Variants in CRB2 observed in about 807,000 individuals in gnomAD.
CRB2 encodes the protein crumbs cell polarity complex component 2, also known as protein crumbs homolog 2.
Under a neutral mutation model 110.9 loss-of-function variants are expected in CRB2, and 85 were observed. The observed-to-expected ratio is 0.77, with a 90% CI of 0.64 to 0.92. The LOEUF (loss-of-function observed/expected upper bound fraction) is 0.92. Among genes scored for constraint, CRB2 ranks in the 40% least tolerant of loss-of-function variants. CRB2 has a pLI of 0.00. For missense variants in CRB2, 1,843 were observed against 1,851.3 expected (o/e 1.00, Z 0.08); for synonymous variants, 907 against 831.0 (o/e 1.09, Z -1.57).
chr9:123,354,465 C>T (rs963981592), upstream of CRB2, among the ~76,000 whole-genome samples: 2 of 152,230 alleles, frequency 1.3e-5, no homozygotes, highest in African/African-American at 2.4e-5. Context: ...CTGGCACTGT[C>T]GCCTTGGCTC....
intron 11 of CRB2, 56 bp downstream of exon 11, chr9:123,374,751 C>A: frequency 1.5e-6 from 2 of 1,315,330 alleles, no homozygotes; most frequent in East Asian, 2.3e-5. Flanking sequence ...GAGGGCTGTT[C>A]CTCCAGCCAG....
At chr9:123,364,055 G>A (rs2041899095) in intron 2 of CRB2, among the ~76,000 whole-genome samples, 1 of 152,210 alleles carries the variant, frequency 6.6e-6, no homozygotes. Context: ...CAGAGCAAGA[G>A]GTACAGATTG....
chr9:123,356,492 G>A, intron 1 of CRB2, 138 bp downstream of exon 1: 1 of 512,922 alleles, frequency 1.9e-6, no homozygotes, highest in African/African-American at 2.0e-5. Context: ...GCACAGGAGT[G>A]CGCGGCTGTG....
At chr9:123,379,209 TC>T (rs2042162880), downstream of CRB2, among the ~76,000 whole-genome samples, 1 of 152,028 alleles carries the variant, frequency 6.6e-6, no homozygotes, top group Non-Finnish European at 1.5e-5. Context: ...CTGGGCATGT[TC>T]CACGCTCACT....
In CRB2 at chr9:123,368,571, G is replaced by A. The variant is rs114261319; in HGVS notation, c.1054+885G>A. 6.5e-3 allele frequency among the ~76,000 whole-genome samples: 983 copies of A among 152,372 alleles called. 4 individuals are homozygous for A. Among genetic ancestry groups the A allele is most frequent in the African/African-American group, 0.022 (921 of 41,594 alleles). On this transcript the variant is annotated intron_variant, in intron 6 of 12. Transcript: ENST00000373631. ...GGGTTTAAAACCCCATCTTACAGCT[G>A]AGAGGATGAGGGGGTGTCATCCCCC...
rs4838054 is a variant in CRB2 at position 123,375,586 on chromosome 9, C to G, written c.3633+243C>G. Among the ~76,000 whole-genome samples, 52,050 of 152,070 alleles carry G rather than the reference C, an allele frequency of 0.34. 9,321 individuals are homozygous for G. The highest frequency in any genetic ancestry group is 0.56 in the East Asian group (2,903 of 5,156). On this transcript the variant is annotated intron_variant, in intron 12 of 12. Coordinates refer to ENST00000373631, the MANE Select transcript of CRB2 (RefSeq NM_173689.7). ...AGCACAAAGCTCCTAGCTGGGTCAG[C>G]GGCTTCCTCAGAGTGCCCAGGGCAG... is the stretch of plus-strand genomic sequence containing the variant.
At position 123,373,401 on chromosome 9, in the gene CRB2, A is replaced by C. The variant is rs2132790545; in HGVS notation, c.2870A>C (p.His957Pro). The C allele has an allele frequency of 6.9e-7, 1 of 1,441,980 alleles. No individual in the cohort carries two copies. Among genetic ancestry groups the C allele is most frequent in the South Asian group, 1.3e-5 (1 of 74,162 alleles). The allele number at this position is 1,441,980 out of a possible 1,614,324, so 89.3% of individuals were successfully genotyped here. ...CCGCGCGTGGCCGATGGTGCCTGGC[A>C]CCGCGTGCGTCTGGCCATGGAGCGC... ...PGPRVADGAWHRVRLAMERPA... is the reference protein window; with the variant it reads ...PGPRVADGAWPRVRLAMERPA... The change falls in exon 10 of 13, where the codon CAC (histidine) becomes CCC (proline). Residue 957 changes from histidine (H) to proline (P), a missense_variant. Coordinates refer to ENST00000373631, the MANE Select transcript of CRB2 (RefSeq NM_173689.7).
intron 1 of CRB2, among the ~76,000 whole-genome samples, chr9:123,361,204 G>T (rs1250228335): frequency 6.6e-6 from 1 of 151,334 alleles, no homozygotes; most frequent in Admixed American, 6.6e-5. Context: ...TGAGGGACCT[G>T]TTGGCACAGG....
intron 12 of CRB2, 120 bp from the exon 13 acceptor site, chr9:123,376,718 G>T: frequency 1.0e-6 from 1 of 980,940 alleles, no homozygotes; most frequent in Non-Finnish European, 1.5e-6. Context: ...TCCCAGGGCA[G>T]CCTGCTCCCA....
intron 3 of CRB2, 33 bp downstream of exon 3, chr9:123,366,145 C>T: frequency 7.2e-7 from 1 of 1,383,152 alleles, no homozygotes; most frequent in Non-Finnish European, 9.3e-7. Flanking sequence ...GGCAGGGGCG[C>T]CGGGTGCCCG....
intron 11 of CRB2, 89 bp downstream of exon 11, chr9:123,374,784 A>G: frequency 5.0e-6 from 4 of 807,348 alleles, no homozygotes; most frequent in South Asian, 4.9e-5. Flanking sequence ...GTCCTCGCCC[A>G]CCTTCTCACC....
intron 2 of CRB2, 134 bp from the exon 3 acceptor site, chr9:123,365,783 A>AACCACC (rs150219447): frequency 7.7e-6 from 4 of 518,152 alleles, no homozygotes; most frequent in South Asian, 5.6e-5. Flanking sequence ...CCCACCCCCC[A>AACCACC]ACCACCACCA....
Position 123,371,699 on chromosome 9 carries a change from A to G in CRB2, c.2436+121A>G. ...GAGGAAACTGAGGCTCAGGAGGTGA[A>G]GTGACCTGCCCAGGGTCCCACTACA... On this transcript the variant is annotated intron_variant, in intron 8 of 12. Coordinates refer to ENST00000373631, the MANE Select transcript of CRB2 (RefSeq NM_173689.7). The G allele has an allele frequency of 4.4e-6, 6 of 1,371,150 alleles. No individual in the cohort carries two copies. In the South Asian group the frequency reaches 7.8e-5, roughly 18 times the overall value. The allele number at this position is 1,371,150 out of a possible 1,614,324, so 84.9% of individuals were successfully genotyped here. A position where few individuals can be genotyped will look rare whatever the true frequency, so the allele number is the denominator to read the frequency against.
intron 6 of CRB2, among the ~76,000 whole-genome samples, chr9:123,367,913 T>C (rs549079330): frequency 2.2e-4 from 33 of 152,032 alleles, no homozygotes; most frequent in African/African-American, 8.0e-4. Context: ...GGGCTGAGGT[T>C]GTCTGGGAGA....
chr9:123,359,043 T>C (rs2041831070), intron 1 of CRB2, among the ~76,000 whole-genome samples: 1 of 152,214 alleles, frequency 6.6e-6, no homozygotes, highest in African/African-American at 2.4e-5. Context: ...GCCCAAACTC[T>C]CAAGGGTTGG....
intron 1 of CRB2, among the ~76,000 whole-genome samples, chr9:123,361,236 A>G (rs1230214614): frequency 1.3e-5 from 2 of 151,538 alleles, no homozygotes; most frequent in Admixed American, 6.6e-5. Context: ...GGGGCCCTTT[A>G]CCATGGGTTA....
At chr9:123,366,596 C>T (rs1033198597) in intron 4 of CRB2, among the ~76,000 whole-genome samples, 6 of 152,178 alleles carry the variant, frequency 3.9e-5, no homozygotes, top group Admixed American at 1.3e-4. Context: ...AGGTGCGACG[C>T]CTGGGAAGCC....
chr9:123,378,813 T>TTG (rs2042152149), downstream of CRB2: 1 of 69,174 alleles, frequency 1.4e-5, no homozygotes, highest in African/African-American at 5.3e-5. Flanking sequence ...TTGTTTTTTT[T>TTG]TTTTTTTTTT....
At chr9:123,367,134 C>A in intron 4 of CRB2, 38 bp from the exon 5 acceptor site, 3 of 1,522,512 alleles carry the variant, frequency 2.0e-6, no homozygotes, top group Admixed American at 2.2e-5. Context: ...TGCCCGGCAA[C>A]CCCGTGAGAC....
Sources: allele counts gnomAD v4.1 joint callset (sites outside exome capture counted in the v4.1 genomes callset), GRCh38; gene constraint gnomAD v4.1.1; transcripts MANE v1.5; gene names NCBI Gene and HGNC (gene_info 2026-07-23, HGNC 2026-07-21).